Variants in CD34 observed in about 807,000 individuals in gnomAD.
The protein encoded by CD34 is CD34 molecule, also known as hematopoietic progenitor cell antigen CD34.
Under a neutral mutation model 40.1 loss-of-function variants are expected in CD34, and 34 were observed. The observed-to-expected ratio is 0.85, with a 90% CI of 0.65 to 1.13. CD34 has a LOEUF of 1.13. Ranked by LOEUF, CD34 falls within the 50% of genes most tolerant of loss-of-function variation. The pLI is 0.00. For synonymous variants in CD34, 209 were observed against 190.0 expected (o/e 1.10, Z -0.82); for missense variants, 426 against 466.9 (o/e 0.91, Z 0.81).
intron 7 of CD34, 32 bp from the exon 8 acceptor site, chr1:207,887,955 T>G: frequency 6.5e-7 from 1 of 1,545,794 alleles, no homozygotes; most frequent in South Asian, 1.1e-5. Flanking sequence ...TAGCATTATC[T>G]GGTAAGCAGG....
chr1:207,907,340 A>G (rs1158418527), intron 1 of CD34, among the ~76,000 whole-genome samples: 1 of 152,002 alleles, frequency 6.6e-6, no homozygotes, highest in East Asian at 1.9e-4. Context: ...TGGGCTCTGG[A>G]GTCCTATCAG....
chr1:207,909,300 C>T (rs914249826), intron 1 of CD34, among the ~76,000 whole-genome samples: 12 of 152,286 alleles, frequency 7.9e-5, no homozygotes, highest in South Asian at 2.1e-4. Flanking sequence ...GGACCTCATT[C>T]GGCTGAGGAC....
chr1:207,910,782 C>T (rs1239179539), intron 1 of CD34, among the ~76,000 whole-genome samples: 2 of 152,248 alleles, frequency 1.3e-5, no homozygotes, highest in Non-Finnish European at 2.9e-5. Flanking sequence ...CCTCGGCTAA[C>T]GCACACTCGC....
chr1:207,908,538 G>A (rs1390903692), intron 1 of CD34, among the ~76,000 whole-genome samples: 11 of 152,230 alleles, frequency 7.2e-5, no homozygotes, highest in African/African-American at 2.2e-4. Flanking sequence ...ATGGGTGTGG[G>A]GTCAGCAGGC....
chr1:207,887,762 G>A lies in CD34; in HGVS notation c.1134C>T (p.His378=), dbSNP rs377051227. ...GTCACAATTCGGTATCAGCCACCACGTGTTGTCTTGCTGAATGGCCGTTTC... is the reference window on the plus strand; with the variant it reads ...GTCACAATTCGGTATCAGCCACCACATGTTGTCTTGCTGAATGGCCGTTTC... ...TSRNGHSARQ[H]VVADTEL Residue 378 remains histidine, a synonymous_variant, in exon 8 of 8, where the codon CAC becomes CAT. Transcript: ENST00000310833. 3.8e-5 allele frequency: 61 copies of A among 1,614,060 alleles called. No individual in the cohort carries two copies. Among genetic ancestry groups the A allele is most frequent in the Admixed American group, 5.0e-5 (3 of 60,006 alleles).
In CD34 at chr1:207,889,548, G is replaced by C. The variant is rs767770192; in HGVS notation, c.671C>G (p.Ala224Gly). The C allele has an allele frequency of 6.2e-7, 1 of 1,614,124 alleles. No individual in the cohort carries two copies. ...GAGCAGGGAGCATACCTGGGCCCCA[G>C]CATCAGCATCAGCCTGCTCCTCCCC... ...LCGEEQADADAGAQVCSLLLA... is the reference protein window; with the variant it reads ...LCGEEQADADGGAQVCSLLLA... Residue 224 changes from alanine to glycine, a missense_variant, in exon 5 of 8, where the codon GCT (alanine) becomes GGT (glycine). By Grantham distance (60) the Ala-to-Gly change is moderately conservative. Coordinates refer to ENST00000310833, the MANE Select transcript of CD34 (RefSeq NM_001025109.2).
Position 207,884,913 on chromosome 1 carries a change from A to G in CD34, c.*2825T>C, listed in dbSNP as rs1160858428. ...CCCAAACCTATCTTCACACTGCCAC[A>G]CTGGCTTCATGACATCCAACTGGAG... On this transcript the variant is annotated 3_prime_UTR_variant, in exon 8 of 8. Transcript: ENST00000310833. The G allele has an allele frequency of 6.6e-6, 1 of 152,172 alleles. No homozygotes were observed. The highest frequency in any genetic ancestry group is 2.4e-5 in the African/African-American group (1 of 41,436). 9.4% of individuals were successfully genotyped at this position (152,172 alleles called of 1,614,324 possible).
rs1308765866 is a variant in CD34, at chr1:207,887,858, G to A, written c.1038C>T (p.Ser346=). ...GQGYSSGPGT[S]PEAQGKASVN... ...CACTGGCCTTTCCCTGAGCCTCAGG[G>A]GAGGTCCCAGGTCCTGAGCTATAGC... The change falls in exon 8 of 8, where the codon TCC becomes TCT. Residue 346 remains serine, a synonymous_variant. Coordinates refer to ENST00000310833, the MANE Select transcript of CD34 (RefSeq NM_001025109.2). 7 of 1,614,174 alleles carry A rather than the reference G, an allele frequency of 4.3e-6. No individual in the cohort carries two copies. Among genetic ancestry groups the A allele is most frequent in the Admixed American group, 1.7e-5 (1 of 60,026 alleles).
At chr1:207,899,463 C>T (rs1336021173) in intron 2 of CD34, among the ~76,000 whole-genome samples, 2 of 152,152 alleles carry the variant, frequency 1.3e-5, no homozygotes, top group Admixed American at 1.3e-4. Flanking sequence ...CTTAGAGAAG[C>T]CAAAGACCCC....
At position 207,911,018 on chromosome 1, in the gene CD34, G is replaced by C; in HGVS notation, c.63C>G (p.Cys21Trp). 2 of 1,591,856 alleles carry C rather than the reference G, an allele frequency of 1.3e-6. No individual in the cohort carries two copies. Among genetic ancestry groups the C allele is most frequent in the Non-Finnish European group, 1.7e-6 (2 of 1,172,222 alleles). Residue 21 changes from cysteine to tryptophan, a missense_variant, in exon 1 of 8, where the codon TGC becomes TGG. Physicochemically the swap from Cys to Trp is radical, Grantham distance 215. Coordinates refer to ENST00000310833, the MANE Select transcript of CD34 (RefSeq NM_001025109.2). ...PRMPRGWTAL[C>W]LLSLLPSGFM... Reference sequence around the variant, plus strand: ...GGTACTCACGCAGCAAACTCAGCAAGCAAAGCGCGGTCCAGCCCCGCGGCA... The same window carrying C: ...GGTACTCACGCAGCAAACTCAGCAACCAAAGCGCGGTCCAGCCCCGCGGCA...
At chr1:207,899,288 A>T in intron 2 of CD34, 62 bp from the exon 3 acceptor site, 1 of 1,553,268 alleles carries the variant, frequency 6.4e-7, no homozygotes, top group Non-Finnish European at 8.8e-7. Context: ...ACAAAATCTC[A>T]GGTCATGATA....
In CD34 at chr1:207,889,577, C is replaced by G. The variant is rs1195610721; in HGVS notation, c.642G>C (p.Leu214=). ...KDRGEGLARV[L]CGEEQADADA... ...CAGCATCAGCCTGCTCCTCCCCACA[C>G]AGCACTCGGGCCAGGCCCTCTCCCC... Residue 214 remains leucine, a synonymous_variant, in exon 5 of 8, where the codon CTG becomes CTC. Coordinates refer to ENST00000310833, the MANE Select transcript of CD34 (RefSeq NM_001025109.2). 6.2e-7 allele frequency: 1 copy of G among 1,614,190 alleles called. No individual in the cohort carries two copies. Among genetic ancestry groups the G allele is most frequent in the Non-Finnish European group, 8.5e-7 (1 of 1,180,032 alleles).
intron 1 of CD34, among the ~76,000 whole-genome samples, chr1:207,910,211 A>G (rs1420393814): frequency 6.6e-6 from 1 of 152,108 alleles, no homozygotes; most frequent in Non-Finnish European, 1.5e-5. Flanking sequence ...CCCATCCACT[A>G]GCTTTAGAAC....
chr1:207,891,861 A>G (rs1454013117), intron 4 of CD34, among the ~76,000 whole-genome samples: 2 of 151,856 alleles, frequency 1.3e-5, no homozygotes, highest in African/African-American at 2.4e-5. Flanking sequence ...ACCATAAGAA[A>G]GGTACAACCA....
intron 5 of CD34, 121 bp downstream of exon 5, chr1:207,889,344 G>T: frequency 6.5e-7 from 1 of 1,540,812 alleles, no homozygotes; most frequent in Non-Finnish European, 8.8e-7. Flanking sequence ...CCCAAAGCCA[G>T]CCAAGTCCTT....
chr1:207,903,298 C>A (rs1405133421), intron 1 of CD34, among the ~76,000 whole-genome samples: 3 of 152,180 alleles, frequency 2.0e-5, no homozygotes, highest in Admixed American at 1.3e-4. Flanking sequence ...CTTTATCTGA[C>A]CTTCTGACTC....
At position 207,910,991 on chromosome 1, in the gene CD34, G is replaced by T. The variant is rs767715110; in HGVS notation, c.79+11C>A. Reference sequence around the variant, plus strand: ...GAAGCCAAGCGGCCGCGGCGCGCGGGCGGTACTCACGCAGCAAACTCAGCA... The same window carrying T: ...GAAGCCAAGCGGCCGCGGCGCGCGGTCGGTACTCACGCAGCAAACTCAGCA... On this transcript the variant is annotated intron_variant, in intron 1 of 7. Coordinates refer to ENST00000310833, the MANE Select transcript of CD34 (RefSeq NM_001025109.2). 17 of 1,573,922 alleles carry T rather than the reference G, an allele frequency of 1.1e-5. No homozygotes were observed. The highest frequency in any genetic ancestry group is 2.3e-5 in the South Asian group (2 of 86,674).
chr1:207,890,198 A>G, intron 4 of CD34: 1 of 1,008,104 alleles, frequency 9.9e-7, no homozygotes, highest in African/African-American at 1.7e-5. Flanking sequence ...CATGGAACCC[A>G]GTTTTAATGA....
At chr1:207,906,516 T>C (rs535903681) in intron 1 of CD34, among the ~76,000 whole-genome samples, 1 of 152,258 alleles carries the variant, frequency 6.6e-6, no homozygotes, top group East Asian at 1.9e-4. Flanking sequence ...GGCCTGAGGG[T>C]TCCCAGTGTA....
Sources: allele counts gnomAD v4.1 joint callset (sites outside exome capture counted in the v4.1 genomes callset), GRCh38; gene constraint gnomAD v4.1.1; transcripts MANE v1.5; gene names NCBI Gene and HGNC (gene_info 2026-07-23, HGNC 2026-07-21).